CAMKMT: variants seen among roughly 807,000 people sequenced by gnomAD.
CAMKMT encodes calmodulin-lysine N-methyltransferase.
CAMKMT carries 53 observed loss-of-function variants against 48.0 expected under a neutral mutation model. That is an observed-to-expected ratio of 1.10 (90% CI 0.89 to 1.39). The LOEUF is 1.39. CAMKMT is among the 40% of genes most tolerant of loss of function. The pLI, the probability that CAMKMT is intolerant of heterozygous loss-of-function variation, is 0.00. For synonymous variants in CAMKMT, 165 were observed against 152.3 expected (o/e 1.08, Z -0.61); for missense variants, 428 against 402.7 (o/e 1.06, Z -0.54).
intron 1 of CAMKMT, among the ~76,000 whole-genome samples, chr2:44,369,128 C>A (rs1292958461): frequency 6.6e-6 from 1 of 152,072 alleles, no homozygotes; most frequent in Non-Finnish European, 1.5e-5. Flanking sequence ...CAGTGATCTA[C>A]CCACCTTTGC....
intron 9 of CAMKMT, among the ~76,000 whole-genome samples, chr2:44,755,174 C>A (rs996292289): frequency 2.0e-5 from 3 of 152,234 alleles, no homozygotes; most frequent in East Asian, 1.9e-4. Context: ...AAACTTAAAA[C>A]AGGTGTCTTG....
chr2:44,636,199 G>T (rs1033740959), intron 3 of CAMKMT, among the ~76,000 whole-genome samples: 16 of 152,282 alleles, frequency 1.1e-4, no homozygotes, highest in African/African-American at 3.4e-4. Flanking sequence ...TGGACTAAGG[G>T]AGCAGAACTG....
At chr2:44,432,123 G>T (rs1684687015) in intron 3 of CAMKMT, among the ~76,000 whole-genome samples, 1 of 152,164 alleles carries the variant, frequency 6.6e-6, no homozygotes, top group East Asian at 1.9e-4. Flanking sequence ...CACATACAGA[G>T]AAATAAGAAT....
intron 3 of CAMKMT, among the ~76,000 whole-genome samples, chr2:44,481,417 C>G (rs919587441): frequency 6.6e-6 from 1 of 151,976 alleles, no homozygotes; most frequent in African/African-American, 2.4e-5. Flanking sequence ...AGGCAAGGCT[C>G]TTCAGGTCAT....
chr2:44,491,281 A>G (rs549631066), intron 3 of CAMKMT, among the ~76,000 whole-genome samples: 316 of 152,208 alleles, frequency 2.1e-3, no homozygotes, highest in Non-Finnish European at 4.0e-3. Context: ...GAGGTGGTCC[A>G]TTCTAGGGCA....
At chr2:44,652,114 A>G (rs148478418) in intron 3 of CAMKMT, among the ~76,000 whole-genome samples, 62 of 152,362 alleles carry the variant, frequency 4.1e-4, no homozygotes, top group African/African-American at 1.4e-3. Context: ...TTTTAAAGCT[A>G]TGTTTATAAA....
In CAMKMT at chr2:44,584,794, C is replaced by A. The variant is rs1244884957; in HGVS notation, c.377-119489C>A. On this transcript the variant is annotated intron_variant, in intron 3 of 10. Transcript: ENST00000378494. ...AGTAGGCCGGGTGCGGTGGCTCACA[C>A]CTGTAATCCCAGCACTTTGGGAGGC... Among the ~76,000 whole-genome samples the A allele has an allele frequency of 3.9e-5, 6 of 152,108 alleles. No individual in the cohort carries two copies. In the East Asian group the frequency reaches 1.2e-3, roughly 29 times the overall value.
intron 3 of CAMKMT, among the ~76,000 whole-genome samples, chr2:44,514,765 A>G (rs1490486939): frequency 6.6e-6 from 1 of 152,236 alleles, no homozygotes; most frequent in Non-Finnish European, 1.5e-5. Flanking sequence ...GAAAGATAAA[A>G]TGCAAGGTCA....
chr2:44,408,068 C>G (rs1682906556), intron 3 of CAMKMT, among the ~76,000 whole-genome samples: 1 of 147,382 alleles, frequency 6.8e-6, no homozygotes, highest in South Asian at 2.2e-4. Context: ...ACTCTGTCCC[C>G]AGGCTGGAGT....
intron 3 of CAMKMT, among the ~76,000 whole-genome samples, chr2:44,626,086 G>C (rs1672464876): frequency 6.6e-6 from 1 of 152,126 alleles, no homozygotes; most frequent in South Asian, 2.1e-4. Flanking sequence ...GGATTGCATT[G>C]AATTCATAGA....
At position 44,503,440 on chromosome 2, in the gene CAMKMT, T is replaced by C. The variant is rs936212942; in HGVS notation, c.376+113135T>C. Among the ~76,000 whole-genome samples, 49 of 152,146 alleles carry C rather than the reference T, an allele frequency of 3.2e-4. 1 individual carries two copies. Among genetic ancestry groups the C allele is most frequent in the Admixed American group, 2.2e-3 (34 of 15,268 alleles). On this transcript the variant is annotated intron_variant, in intron 3 of 10. Coordinates refer to ENST00000378494, the MANE Select transcript of CAMKMT (RefSeq NM_024766.5). ...ATCAGCAAGCCAGATTACTTTTAAG[T>C]TCTAAGATATGTGAAAAAGTTAATA... is the stretch of plus-strand genomic sequence containing the variant.
chr2:44,380,840 A>C (rs964059632), intron 2 of CAMKMT, among the ~76,000 whole-genome samples: 1 of 152,170 alleles, frequency 6.6e-6, no homozygotes, highest in Non-Finnish European at 1.5e-5. Flanking sequence ...TAAAAAGGTC[A>C]TATGGTAAGC....
chr2:44,430,666 TA>T (rs1558608128), intron 3 of CAMKMT, among the ~76,000 whole-genome samples: 2 of 152,164 alleles, frequency 1.3e-5, no homozygotes, highest in Non-Finnish European at 2.9e-5. Context: ...CTCTTTGCAA[TA>T]AAACTTCAAT....
intron 9 of CAMKMT, among the ~76,000 whole-genome samples, 198 bp downstream of exon 9, chr2:44,754,316 T>C (rs1680277959): frequency 6.6e-6 from 1 of 152,226 alleles, no homozygotes; most frequent in Non-Finnish European, 1.5e-5. Flanking sequence ...CTTGGCCTTC[T>C]GATAAGAAAC....
intron 3 of CAMKMT, among the ~76,000 whole-genome samples, chr2:44,398,517 C>A (rs1483700978): frequency 1.3e-5 from 2 of 151,296 alleles, no homozygotes; most frequent in East Asian, 3.9e-4. Flanking sequence ...AGTCTTAAAC[C>A]AAATGCGGGC....
intron 3 of CAMKMT, among the ~76,000 whole-genome samples, chr2:44,487,607 C>T (rs1366442758): frequency 2.0e-5 from 3 of 152,084 alleles, no homozygotes; most frequent in African/African-American, 4.8e-5. Context: ...ACCAGGTAAC[C>T]GGAGTGAAGA....
chr2:44,646,553 C>T (rs993475192), intron 3 of CAMKMT, among the ~76,000 whole-genome samples: 6 of 152,224 alleles, frequency 3.9e-5, no homozygotes, highest in African/African-American at 1.4e-4. Flanking sequence ...TGTGCGAAGT[C>T]CTGTCAGAAT....
intron 3 of CAMKMT, among the ~76,000 whole-genome samples, chr2:44,578,664 G>C (rs537711132): frequency 3.7e-4 from 57 of 152,302 alleles, no homozygotes; most frequent in African/African-American, 1.3e-3. Flanking sequence ...GTAATGGGAT[G>C]TGGTATTGGG....
Position 44,412,841 on chromosome 2 carries a change from G to A in CAMKMT, c.376+22536G>A, listed in dbSNP as rs959754556. 5.3e-5 allele frequency among the ~76,000 whole-genome samples: 8 copies of A among 151,282 alleles called. 1 individual carries two copies. The highest frequency in any genetic ancestry group is 9.7e-5 in the African/African-American group (4 of 41,312). On this transcript the variant is annotated intron_variant, in intron 3 of 10. Transcript: ENST00000378494. ...CTGTAATCCCAGCACTTTGGGAGGCGGAGGTGGGCAGATTACCTGAGGTCA... is the reference window on the plus strand; with the variant it reads ...CTGTAATCCCAGCACTTTGGGAGGCAGAGGTGGGCAGATTACCTGAGGTCA...
Sources: gnomAD v4.1 joint callset for allele counts (sites outside exome capture counted in the v4.1 genomes callset) on GRCh38, gnomAD v4.1.1 for gene constraint, MANE v1.5 for transcripts, NCBI Gene and HGNC (gene_info 2026-07-23, HGNC 2026-07-21) for gene names.